The following FOXP1 variants were observed in gnomAD, a reference collection of about 807,000 sequenced individuals.
The protein encoded by FOXP1 is forkhead box protein P1.
A neutral mutation model predicts 98.2 loss-of-function variants in FOXP1; 15 were observed. The observed-to-expected ratio is 0.15, with a 90% confidence interval of 0.10 to 0.24. The LOEUF (loss-of-function observed/expected upper bound fraction) is 0.24. Among genes scored for constraint, FOXP1 ranks in the 10% least tolerant of loss-of-function variants. The probability of loss-of-function intolerance (pLI) is 1.00; values close to 1 mark genes in which losing one functional copy is unlikely to be tolerated. For synonymous variants in FOXP1, 371 were observed against 314.5 expected (o/e 1.18, Z -1.90); for missense variants, 633 against 848.5 (o/e 0.75, Z 3.15).
chr3:71,243,115 T>C (rs997401262), intron 5 of FOXP1, among the ~76,000 whole-genome samples: 3 of 152,274 alleles, frequency 2.0e-5, no homozygotes, highest in African/African-American at 7.2e-5. Context: ...ACCCCCTCCA[T>C]GGCCCCAAAG....
At chr3:71,570,554 A>T (rs1398541775) in intron 2 of FOXP1, 1 of 152,158 alleles carries the variant, frequency 6.6e-6, no homozygotes, top group Non-Finnish European at 1.5e-5. Flanking sequence ...CTCTGTGACC[A>T]CTCATGATCT....
chr3:71,033,179 G>A (rs1163785812), intron 11 of FOXP1, among the ~76,000 whole-genome samples: 1 of 152,146 alleles, frequency 6.6e-6, no homozygotes, highest in Non-Finnish European at 1.5e-5. Flanking sequence ...CTTGCAAAAT[G>A]CCTGGGTGCC....
intron 7 of FOXP1, among the ~76,000 whole-genome samples, chr3:71,105,911 T>C (rs887856861): frequency 1.3e-5 from 2 of 152,206 alleles, no homozygotes; most frequent in African/African-American, 4.8e-5. Flanking sequence ...TTTTTTTGCT[T>C]ATAATATGGA....
At chr3:71,322,349 C>G (rs2075440114) in intron 4 of FOXP1, among the ~76,000 whole-genome samples, 1 of 152,174 alleles carries the variant, frequency 6.6e-6, no homozygotes, top group African/African-American at 2.4e-5. Flanking sequence ...TTTCCAGTGT[C>G]AAAAGCCACA....
At chr3:71,344,142 C>T (rs1393440055) in intron 4 of FOXP1, among the ~76,000 whole-genome samples, 1 of 152,160 alleles carries the variant, frequency 6.6e-6, no homozygotes, top group African/African-American at 2.4e-5. Context: ...ATTGCATACG[C>T]ATATCAGTAC....
At chr3:70,965,845 G>A (rs779285245) in intron 20 of FOXP1, 45 bp downstream of exon 20, 2 of 1,588,558 alleles carry the variant, frequency 1.3e-6, no homozygotes, top group Non-Finnish European at 1.7e-6. Flanking sequence ...TACCTAGGGA[G>A]ACTAGGGTCA....
intron 6 of FOXP1, among the ~76,000 whole-genome samples, chr3:71,113,152 C>T (rs542373425): frequency 1.5e-4 from 23 of 152,132 alleles, no homozygotes; most frequent in Non-Finnish European, 2.9e-4. Flanking sequence ...GATTAGGCTA[C>T]GTAGAAAGGA....
chr3:71,487,776 A>C (rs1156914779), intron 3 of FOXP1, among the ~76,000 whole-genome samples: 1 of 152,258 alleles, frequency 6.6e-6, no homozygotes, highest in Non-Finnish European at 1.5e-5. Flanking sequence ...TGTCCAGAAA[A>C]ATGTGTGTAT....
chr3:71,475,919 A>C (rs376858772), intron 3 of FOXP1, among the ~76,000 whole-genome samples: 1 of 146,060 alleles, frequency 6.8e-6, no homozygotes, highest in African/African-American at 2.5e-5. Flanking sequence ...AAAAAAAAAA[A>C]CCTCTTCATG....
chr3:71,041,722 A>C (rs1265703545), intron 10 of FOXP1, among the ~76,000 whole-genome samples, 190 bp from the exon 11 acceptor site: 1 of 152,056 alleles, frequency 6.6e-6, no homozygotes, highest in South Asian at 2.1e-4. Context: ...CGAGCAACTG[A>C]GTGGAAGTTG....
chr3:71,105,337 A>G (rs2057339063), intron 7 of FOXP1, among the ~76,000 whole-genome samples: 1 of 152,138 alleles, frequency 6.6e-6, no homozygotes, highest in African/African-American at 2.4e-5. Context: ...CTGGGGCTGC[A>G]ATCCAATTTG....
At chr3:70,979,244 C>T (rs1368750862) in intron 14 of FOXP1, among the ~76,000 whole-genome samples, 3 of 117,358 alleles carry the variant, frequency 2.6e-5, no homozygotes, top group Admixed American at 1.2e-4. Context: ...ATCACCACTG[C>T]ATTCCAGCCT....
intron 5 of FOXP1, among the ~76,000 whole-genome samples, chr3:71,298,557 T>C (rs760414029): frequency 5.9e-5 from 9 of 152,220 alleles, no homozygotes; most frequent in African/African-American, 1.2e-4. Context: ...TCCCAATTAC[T>C]GGTTGGGAAT....
At chr3:71,350,778 T>C (rs28522685) in intron 4 of FOXP1, among the ~76,000 whole-genome samples, 2,751 of 152,320 alleles carry the variant, frequency 0.018, 92 homozygotes, top group African/African-American at 0.062. Context: ...ATTTGCTGTG[T>C]ATCAAGTATA....
At chr3:71,012,030 G>A (rs765354429) in intron 12 of FOXP1, among the ~76,000 whole-genome samples, 4 of 151,954 alleles carry the variant, frequency 2.6e-5, no homozygotes, top group African/African-American at 4.8e-5. Flanking sequence ...GATTTTTTAC[G>A]GTAGGCATAA....
chr3:71,472,349 C>A (rs1308161977), intron 3 of FOXP1, among the ~76,000 whole-genome samples: 1 of 151,990 alleles, frequency 6.6e-6, no homozygotes, highest in African/African-American at 2.4e-5. Context: ...TCGACACAAA[C>A]CATACAAAAA....
intron 4 of FOXP1, among the ~76,000 whole-genome samples, chr3:71,308,804 T>TGTGTGTGTGTGG (rs1553836101): frequency 3.9e-5 from 5 of 128,082 alleles, no homozygotes; most frequent in African/African-American, 1.1e-4. Flanking sequence ...TGTGTGTGTG[T>TGTGTGTGTGTGG]GTGGGTGAGG....
chr3:71,289,416 G>A (rs1379347245), intron 5 of FOXP1: 2 of 150,528 alleles, frequency 1.3e-5, no homozygotes, highest in Admixed American at 1.3e-4. Context: ...TTCACAGGCA[G>A]GATCATAGCA....
intron 7 of FOXP1, among the ~76,000 whole-genome samples, chr3:71,100,565 C>G (rs987303800): frequency 1.3e-5 from 2 of 152,182 alleles, no homozygotes; most frequent in African/African-American, 4.8e-5. Context: ...CGGGACAGCC[C>G]TTCACATCAT....
Sources: allele counts gnomAD v4.1 joint callset (sites outside exome capture counted in the v4.1 genomes callset), GRCh38; gene constraint gnomAD v4.1.1; transcripts MANE v1.5; gene names NCBI Gene and HGNC (gene_info 2026-07-23, HGNC 2026-07-21).